Variants in TEX14 observed in about 807,000 individuals in gnomAD.
The protein encoded by TEX14 is testis expressed 14, intercellular bridge forming factor.
In TEX14, 168 loss-of-function variants were observed where a neutral mutation model predicts 178.6. That is an observed-to-expected ratio of 0.94 (90% CI 0.83 to 1.07). The LOEUF (loss-of-function observed/expected upper bound fraction) is 1.07, where lower values mean the gene tolerates loss of function less well. Ranked by LOEUF, TEX14 falls within the 50% of genes least tolerant of loss-of-function variation. The pLI, the probability that TEX14 is intolerant of heterozygous loss-of-function variation, is 0.00. For synonymous variants in TEX14, 626 were observed against 634.1 expected, an observed-to-expected ratio of 0.99 and a Z score of 0.19; for missense variants, 1,730 against 1,753.6, an observed-to-expected ratio of 0.99 and a Z score of 0.24.
chr17:58,678,695 G>T (rs897035161), intron 1 of TEX14, among the ~76,000 whole-genome samples: 37 of 151,926 alleles, frequency 2.4e-4, no homozygotes, highest in Admixed American at 1.1e-3. Flanking sequence ...AAACGGGGAG[G>T]GATAGCATTA....
At chr17:58,632,277 T>C (rs1302953640) in intron 2 of TEX14, among the ~76,000 whole-genome samples, 6 of 152,262 alleles carry the variant, frequency 3.9e-5, no homozygotes. Context: ...CCCTATTATA[T>C]TTTATACTGT....
At chr17:58,565,033 A>T (rs2044369184) in intron 27 of TEX14, 65 bp from the exon 28 acceptor site, 1 of 1,043,484 alleles carries the variant, frequency 9.6e-7, no homozygotes, top group African/African-American at 1.6e-5. Context: ...CTTGCCTTAA[A>T]ATAGAGTGCA....
intron 16 of TEX14, 53 bp downstream of exon 16, chr17:58,587,843 A>ACCCCCCCCCCCCCCCCCCC: frequency 3.6e-6 from 4 of 1,118,814 alleles, no homozygotes; most frequent in Non-Finnish European, 5.5e-6. Flanking sequence ...GGGTGCCAGA[A>ACCCCCCCCCCCCCCCCCCC]CCCACCCCCA....
chr17:58,579,846 A>G (rs1367787380), intron 19 of TEX14, 115 bp from the exon 20 acceptor site: 19 of 822,870 alleles, frequency 2.3e-5, no homozygotes, highest in Non-Finnish European at 3.3e-5. Context: ...AGATCCCTGC[A>G]TCTTTATAGA....
intron 2 of TEX14, among the ~76,000 whole-genome samples, chr17:58,638,854 C>CTTTTTT (rs1210311633): frequency 1.3e-5 from 1 of 75,096 alleles, no homozygotes; most frequent in Non-Finnish European, 2.4e-5. Flanking sequence ...GACTATTATT[C>CTTTTTT]TTTTTTTTTT....
At position 58,556,839 on chromosome 17, in the gene TEX14, G is replaced by A. The variant is rs899682236; in HGVS notation, c.*172C>T. Reference sequence around the variant, plus strand: ...TGACTGAAAACAAATGGTTGAATGTGCTGCTAACAGAGAGGGCCAAACGAT... The same window carrying A: ...TGACTGAAAACAAATGGTTGAATGTACTGCTAACAGAGAGGGCCAAACGAT... On this transcript the variant is annotated 3_prime_UTR_variant, in exon 32 of 32. Transcript: ENST00000349033. 18 of 559,822 alleles carry A rather than the reference G, an allele frequency of 3.2e-5. No homozygotes were observed. The highest frequency in any genetic ancestry group is 5.8e-5 in the Non-Finnish European group (18 of 309,750). The allele number at this position is 559,822 out of a possible 1,614,324, so 34.7% of individuals were successfully genotyped here. A position where few individuals can be genotyped will look rare whatever the true frequency, so the allele number is the denominator to read the frequency against.
Position 58,573,227 on chromosome 17 carries a change from G to T in TEX14, c.3465C>A (p.Pro1155=). ...CACTGGTAGGTGCATGGTTTATTTTGGGTGTTTTGCATGAAGCTTCCTTAA... is the reference window on the plus strand; with the variant it reads ...CACTGGTAGGTGCATGGTTTATTTTTGGTGTTTTGCATGAAGCTTCCTTAA... The part of the protein sequence containing the change: ...SSFKEASCKT[P]KINHAPTSVS... Residue 1155 remains proline (P), a synonymous_variant, in exon 23 of 32, where the codon CCC becomes CCA. Coordinates refer to ENST00000349033, the MANE Select transcript of TEX14 (RefSeq NM_031272.5). The T allele has an allele frequency of 6.2e-7, 1 of 1,614,116 alleles. No individual in the cohort carries two copies. Among genetic ancestry groups the T allele is most frequent in the Non-Finnish European group, 8.5e-7 (1 of 1,180,014 alleles).
chr17:58,639,428 C>T (rs534510391), intron 2 of TEX14, among the ~76,000 whole-genome samples: 4 of 151,498 alleles, frequency 2.6e-5, no homozygotes, highest in Admixed American at 6.6e-5. Context: ...TGGCCGGGCG[C>T]GGTGGCTCAC....
intron 1 of TEX14, among the ~76,000 whole-genome samples, chr17:58,666,939 G>A (rs774514301): frequency 6.6e-6 from 1 of 152,128 alleles, no homozygotes; most frequent in Non-Finnish European, 1.5e-5. Flanking sequence ...CATAGGCCTG[G>A]CTGGTCAGAG....
chr17:58,673,363 G>A (rs1410861434), intron 1 of TEX14, among the ~76,000 whole-genome samples: 1 of 151,630 alleles, frequency 6.6e-6, no homozygotes, highest in Non-Finnish European at 1.5e-5. Flanking sequence ...CACACCTGTA[G>A]TCCCAGCTAC....
At chr17:58,592,762 C>T (rs2045186510) in intron 15 of TEX14, among the ~76,000 whole-genome samples, 1 of 152,092 alleles carries the variant, frequency 6.6e-6, no homozygotes, top group Admixed American at 6.6e-5. Flanking sequence ...TGCTCTCGAA[C>T]TCCTGACCTC....
intron 19 of TEX14, among the ~76,000 whole-genome samples, chr17:58,583,642 C>A (rs1421158465): frequency 6.6e-6 from 1 of 152,174 alleles, no homozygotes. Context: ...CCTTCCTGTG[C>A]ACTTAACAGC....
chr17:58,581,508 G>T lies in TEX14; in HGVS notation c.3172-1777C>A. 5 of 1,312,424 alleles carry T rather than the reference G, an allele frequency of 3.8e-6. No individual in the cohort carries two copies. In the South Asian group the frequency reaches 5.1e-5, roughly 13 times the overall value. The allele number at this position is 1,312,424 out of a possible 1,614,324, so 81.3% of individuals were successfully genotyped here. ...ACCAAAAAAGGTATAAAAAATCCTG[G>T]TAGACATTACATACTTTGATATGTA... On this transcript the variant is annotated intron_variant, in intron 19 of 31. Transcript: ENST00000349033.
At chr17:58,666,192 A>T (rs1355040965) in intron 1 of TEX14, among the ~76,000 whole-genome samples, 1 of 152,022 alleles carries the variant, frequency 6.6e-6, no homozygotes, top group East Asian at 1.9e-4. Context: ...AAAATGCAAA[A>T]ATTAGCCAGG....
intron 1 of TEX14, chr17:58,679,625 G>A (rs779752859): frequency 2.0e-5 from 3 of 152,202 alleles, no homozygotes; most frequent in Admixed American, 6.6e-5. Flanking sequence ...CACAATGCAA[G>A]AGACAAACCT....
intron 14 of TEX14, among the ~76,000 whole-genome samples, chr17:58,593,868 C>T (rs2045216969): frequency 6.6e-6 from 1 of 152,128 alleles, no homozygotes; most frequent in South Asian, 2.1e-4. Flanking sequence ...CGGAGTCTGG[C>T]TCTGTCACCA....
intron 1 of TEX14, among the ~76,000 whole-genome samples, chr17:58,669,695 C>T (rs1249415594): frequency 2.9e-5 from 4 of 138,210 alleles, no homozygotes; most frequent in Non-Finnish European, 4.5e-5. Context: ...GATCACGCCA[C>T]TGCACTCTAG....
Position 58,593,625 on chromosome 17 carries a change from CTG to C in TEX14, c.2504_2505del (p.Thr835ArgfsTer2). ...PTLCDPGKQN[T>X]DEQFQCTQGA... ...CCTTGAGTGCACTGAAATTGTTCAT[CTG>C]TGTTCTGTTTTCCAGGGTCACAAAG... On this transcript the variant is annotated frameshift_variant, in exon 15 of 32. Coordinates refer to ENST00000349033, the MANE Select transcript of TEX14 (RefSeq NM_031272.5). LOFTEE classifies it high-confidence loss of function. The C allele has an allele frequency of 1.9e-6, 3 of 1,614,160 alleles. No individual in the cohort carries two copies. Among genetic ancestry groups the C allele is most frequent in the Non-Finnish European group, 2.5e-6 (3 of 1,180,024 alleles).
At chr17:58,599,773 T>A in intron 13 of TEX14, 107 bp from the exon 14 acceptor site, 1 of 832,616 alleles carries the variant, frequency 1.2e-6, no homozygotes, top group Non-Finnish European at 1.8e-6. Context: ...AAAAAAAAAG[T>A]TTTTTATTTT....
Sources: allele counts gnomAD v4.1 joint callset (sites outside exome capture counted in the v4.1 genomes callset), GRCh38; gene constraint gnomAD v4.1.1; transcripts MANE v1.5; gene names NCBI Gene and HGNC (gene_info 2026-07-23, HGNC 2026-07-21).